TCF4: variants seen among roughly 807,000 people sequenced by gnomAD.
TCF4 encodes the protein SL3-3 enhancer factor 2.
Under a neutral mutation model 82.1 loss-of-function variants are expected in TCF4, and 3 were observed. That is an observed-to-expected ratio of 0.04 (90% CI 0.02 to 0.09). The LOEUF (loss-of-function observed/expected upper bound fraction) is 0.09, where lower values mean the gene tolerates loss of function less well. TCF4 is among the 10% of genes least tolerant of loss of function. TCF4 has a pLI of 1.00. For synonymous variants in TCF4, 276 were observed against 309.6 expected, an observed-to-expected ratio of 0.89 and a Z score of 1.14; for missense variants, 518 against 852.7, an observed-to-expected ratio of 0.61 and a Z score of 4.89.
intron 6 of TCF4, among the ~76,000 whole-genome samples, chr18:55,372,522 T>C (rs2089557719): frequency 6.6e-6 from 1 of 152,052 alleles, no homozygotes; most frequent in African/African-American, 2.4e-5. Flanking sequence ...ATTTTATATG[T>C]AGCCAAACTT....
At position 55,235,811 on chromosome 18, in the gene TCF4, A is replaced by T. The variant is rs574680233; in HGVS notation, c.1351-1128T>A. The stretch of plus-strand genomic sequence containing the variant: ...ATTTATACTGCTATGAATCAGGTTT[A>T]TTTTTTTTTCCAGTCAAAAATATGA... On this transcript the variant is annotated intron_variant, in intron 15 of 19. Coordinates refer to ENST00000354452, the MANE Select transcript of TCF4 (RefSeq NM_001083962.2). Among the ~76,000 whole-genome samples, 213 of 151,712 alleles carry T rather than the reference A, an allele frequency of 1.4e-3. 2 individuals are homozygous for T. Among genetic ancestry groups the T allele is most frequent in the African/African-American group, 4.9e-3 (202 of 41,328 alleles).
intron 3 of TCF4, among the ~76,000 whole-genome samples, chr18:55,532,376 G>C (rs2097073534): frequency 6.6e-6 from 1 of 152,206 alleles, no homozygotes; most frequent in Admixed American, 6.5e-5. Context: ...CTAAGGAGCT[G>C]TCTAGTGGGC....
At chr18:55,538,028 A>ACG (rs1339729888) in intron 3 of TCF4, among the ~76,000 whole-genome samples, 13 of 65,368 alleles carry the variant, frequency 2.0e-4, no homozygotes, top group African/African-American at 7.9e-4. Flanking sequence ...GCGCGCGCGC[A>ACG]CACACACACA....
chr18:55,489,819 C>T (rs865832190), intron 3 of TCF4, among the ~76,000 whole-genome samples: 2 of 152,114 alleles, frequency 1.3e-5, no homozygotes, highest in East Asian at 1.9e-4. Flanking sequence ...CCTGAAACCA[C>T]GAACACCTAA....
chr18:55,354,205 C>T (rs940747946), intron 6 of TCF4, among the ~76,000 whole-genome samples: 12 of 152,208 alleles, frequency 7.9e-5, no homozygotes, highest in African/African-American at 2.7e-4. Flanking sequence ...CTGACTTTAT[C>T]AACCAGGTTG....
intron 3 of TCF4, among the ~76,000 whole-genome samples, chr18:55,559,599 G>A (rs2097337255): frequency 6.7e-6 from 1 of 150,170 alleles, no homozygotes; most frequent in Admixed American, 6.7e-5. Flanking sequence ...ATTACTTGTA[G>A]CTGTCAAAAA....
intron 3 of TCF4, among the ~76,000 whole-genome samples, chr18:55,552,944 C>G (rs897265903): frequency 1.3e-5 from 2 of 152,250 alleles, no homozygotes; most frequent in Admixed American, 1.3e-4. Context: ...AGGGTTTTCT[C>G]TCTACTCGCT....
intron 3 of TCF4, chr18:55,510,456 G>C (rs1420029303): frequency 1.5e-6 from 1 of 649,608 alleles, no homozygotes; most frequent in Non-Finnish European, 2.3e-6. Flanking sequence ...CAACCTAGAA[G>C]CCTTTGTAAA....
chr18:55,271,133 G>A (rs775489772), intron 10 of TCF4, among the ~76,000 whole-genome samples: 7 of 152,018 alleles, frequency 4.6e-5, no homozygotes, highest in African/African-American at 1.2e-4. Context: ...TACTCTGTGA[G>A]ATCCGTCTTG....
chr18:55,275,811 A>G, intron 9 of TCF4, 59 bp from the exon 10 acceptor site: 1 of 1,610,868 alleles, frequency 6.2e-7, no homozygotes, highest in East Asian at 2.2e-5. Flanking sequence ...CTTATAGAAT[A>G]GGGTTTTTTC....
At chr18:55,230,226 C>A (rs1261366794) in intron 17 of TCF4, 1 of 150,934 alleles carries the variant, frequency 6.6e-6, no homozygotes, top group East Asian at 1.9e-4. Flanking sequence ...ATAACAAATG[C>A]ATGGCCGGGC....
intron 3 of TCF4, chr18:55,479,171 T>C (rs2096367725): frequency 6.6e-6 from 1 of 152,522 alleles, no homozygotes; most frequent in South Asian, 2.1e-4. Flanking sequence ...CAAACCACTC[T>C]GAAATGCAAG....
rs564023551 is a variant in TCF4 at position 55,563,844 on chromosome 18, T to C, written c.145+21436A>G. On this transcript the variant is annotated intron_variant, in intron 3 of 19. Transcript: ENST00000354452. Reference sequence around the variant, plus strand: ...GTATTTGCAAATGCAAAAATTATAATATCATCAGAAATTTTTATGACCTTG... The same window carrying C: ...GTATTTGCAAATGCAAAAATTATAACATCATCAGAAATTTTTATGACCTTG... Among the ~76,000 whole-genome samples the C allele has an allele frequency of 2.6e-5, 4 of 152,368 alleles. No individual in the cohort carries two copies. In the South Asian group the frequency reaches 8.3e-4, roughly 32 times the overall value.
At chr18:55,611,215 T>G (rs951426618) in intron 2 of TCF4, among the ~76,000 whole-genome samples, 1 of 152,174 alleles carries the variant, frequency 6.6e-6, no homozygotes, top group Non-Finnish European at 1.5e-5. Context: ...CCATCTTACA[T>G]GACTGCCACA....
chr18:55,527,984 T>C (rs2097010086), intron 3 of TCF4, among the ~76,000 whole-genome samples: 1 of 152,230 alleles, frequency 6.6e-6, no homozygotes, highest in African/African-American at 2.4e-5. Flanking sequence ...CTAAGATATT[T>C]GTACCTACTT....
chr18:55,491,611 G>A (rs189111046), intron 3 of TCF4, among the ~76,000 whole-genome samples: 2 of 152,110 alleles, frequency 1.3e-5, no homozygotes, highest in African/African-American at 2.4e-5. Flanking sequence ...CTATGGTGAG[G>A]ATCAAGTGTT....
upstream of TCF4, chr18:55,588,454 A>G (rs1358519949): frequency 7.8e-6 from 12 of 1,534,922 alleles, no homozygotes; most frequent in African/African-American, 8.2e-5. Context: ...AATACAAACG[A>G]AAATTCATCG....
chr18:55,498,121 T>C (rs1182736915), intron 3 of TCF4, among the ~76,000 whole-genome samples: 3 of 152,332 alleles, frequency 2.0e-5, no homozygotes, highest in Middle Eastern at 3.4e-3. Context: ...AGGCTCTTTA[T>C]CAACCACATT....
intron 13 of TCF4, 64 bp downstream of exon 13, chr18:55,259,885 A>G (rs148864070): frequency 2.2e-6 from 3 of 1,373,526 alleles, no homozygotes; most frequent in South Asian, 2.3e-5. Context: ...AAAATCAGGA[A>G]GTACAAGGGG....
Sources: allele counts gnomAD v4.1 joint callset (sites outside exome capture counted in the v4.1 genomes callset), GRCh38; gene constraint gnomAD v4.1.1; transcripts MANE v1.5; gene names NCBI Gene and HGNC (gene_info 2026-07-23, HGNC 2026-07-21).